Variants in CYFIP1 observed in about 807,000 individuals in gnomAD.
The protein encoded by CYFIP1 is cytoplasmic FMR1 interacting protein 1.
In CYFIP1, 58 loss-of-function variants were observed where a neutral mutation model predicts 163.5. That is an observed-to-expected ratio of 0.35 (90% CI 0.29 to 0.44). The LOEUF is 0.44. CYFIP1 is among the 20% of genes least tolerant of loss of function. The probability of loss-of-function intolerance (pLI) is 1.00; values close to 1 mark genes in which losing one functional copy is unlikely to be tolerated. For synonymous variants in CYFIP1, 663 were observed against 660.7 expected (o/e 1.00, Z -0.05); for missense variants, 1,338 against 1,653.8 (o/e 0.81, Z 3.31).
chr15:22,978,282 G>A (rs1567058665), intron 1 of CYFIP1, among the ~76,000 whole-genome samples: 1 of 143,648 alleles, frequency 7.0e-6, no homozygotes, highest in Non-Finnish European at 1.5e-5. Flanking sequence ...AACCCAGGAG[G>A]CATAGGTTGT....
Position 22,952,659 on chromosome 15 carries a change from CAAA to C in CYFIP1, c.-6-5371_-6-5369del, listed in dbSNP as rs3083512. Reference sequence around the variant, plus strand: ...GACAGAGTGAGGTGAGACTCCATCTCAAAAAAAAAAAAAAAAGGTAAACATGGG... The same window carrying C: ...GACAGAGTGAGGTGAGACTCCATCTCAAAAAAAAAAAAAGGTAAACATGGG... On this transcript the variant is annotated intron_variant, in intron 1 of 30. Coordinates refer to ENST00000617928, the MANE Select transcript of CYFIP1 (RefSeq NM_014608.6). 7.4e-4 allele frequency among the ~76,000 whole-genome samples: 34 copies of C among 45,682 alleles called. 1 individual carries two copies. The highest frequency in any genetic ancestry group is 2.6e-3 in the African/African-American group (26 of 9,948). The allele number at this position is 45,682 out of a possible 152,430, so 30.0% of individuals were successfully genotyped here.
At chr15:22,874,345 C>T (rs1279768885) in intron 28 of CYFIP1, among the ~76,000 whole-genome samples, 1 of 152,242 alleles carries the variant, frequency 6.6e-6, no homozygotes, top group Non-Finnish European at 1.5e-5. Context: ...ATGTGCTAAG[C>T]TCTTTCCAGG....
intron 1 of CYFIP1, among the ~76,000 whole-genome samples, chr15:22,969,490 C>CA (rs1206963662): frequency 5.3e-5 from 8 of 152,116 alleles, no homozygotes; most frequent in Non-Finnish European, 1.2e-4. Flanking sequence ...GCTTTTAACA[C>CA]AAAAAAATTC....
In CYFIP1 at chr15:22,914,785, C is replaced by T; in HGVS notation, c.1926G>A (p.Met642Ile). 6.2e-7 allele frequency: 1 copy of T among 1,613,942 alleles called. No individual in the cohort carries two copies. Reference sequence around the variant, plus strand: ...GGTCCGTCAGGATCCAGGGCATCGACATCTCAATGGGGAACTGGATCCTCC... The same window carrying T: ...GGTCCGTCAGGATCCAGGGCATCGATATCTCAATGGGGAACTGGATCCTCC... ...MGRRIQFPIE[M>I]SMPWILTDHI... is the part of the protein sequence containing the mutation. The change falls in exon 17 of 31, where the codon ATG becomes ATA. Residue 642 changes from methionine to isoleucine, a missense_variant. This residue lies in a region of CYFIP1 where 824 missense variants were observed against 995.7 expected (regional missense o/e 0.83). Coordinates refer to ENST00000617928, the MANE Select transcript of CYFIP1 (RefSeq NM_014608.6).
intron 6 of CYFIP1, among the ~76,000 whole-genome samples, chr15:22,940,813 G>A (rs1242410210): frequency 6.6e-6 from 1 of 152,194 alleles, no homozygotes; most frequent in Non-Finnish European, 1.5e-5. Context: ...GAAGGAGGCA[G>A]GCAAATCACT....
At chr15:22,980,709 C>T (rs987910648), upstream of CYFIP1, among the ~76,000 whole-genome samples, 2 of 151,922 alleles carry the variant, frequency 1.3e-5, no homozygotes, top group Non-Finnish European at 2.9e-5. Flanking sequence ...CGGGTCAGGG[C>T]GGGGGTTGGC....
chr15:22,871,862 C>CTGAGGGTGA (rs2059441542), intron 30 of CYFIP1, among the ~76,000 whole-genome samples: 1 of 152,164 alleles, frequency 6.6e-6, no homozygotes, highest in East Asian at 1.9e-4. Flanking sequence ...GCACCTCAGA[C>CTGAGGGTGA]ACTGGCCCCA....
intron 8 of CYFIP1, among the ~76,000 whole-genome samples, chr15:22,938,434 A>G (rs1411938543): frequency 6.6e-6 from 1 of 151,610 alleles, no homozygotes; most frequent in Admixed American, 6.6e-5. Context: ...GTGAGATCTC[A>G]TATCTACAAA....
chr15:22,897,902 A>C (rs1251892446), intron 22 of CYFIP1, among the ~76,000 whole-genome samples: 1 of 152,188 alleles, frequency 6.6e-6, no homozygotes, highest in Non-Finnish European at 1.5e-5. Flanking sequence ...TATTCAAGCA[A>C]AGGCTATGGG....
intron 1 of CYFIP1, among the ~76,000 whole-genome samples, chr15:22,967,736 ATG>A (rs1044309813): frequency 6.6e-6 from 1 of 152,178 alleles, no homozygotes; most frequent in Non-Finnish European, 1.5e-5. Context: ...TCAGCCTGAA[ATG>A]TGTGACTGAA....
rs2059810563 is a variant in CYFIP1, at chr15:22,882,937, G to C, written c.2751C>G (p.Ile917Met). Residue 917 changes from isoleucine (I) to methionine (M), a missense_variant, in exon 24 of 31, where the codon ATC (isoleucine) becomes ATG (methionine). Coordinates refer to ENST00000617928, the MANE Select transcript of CYFIP1 (RefSeq NM_014608.6). Reference protein sequence around the residue: ...NFVGPPHFQVICRLLGYQGIA... With the variant: ...NFVGPPHFQVMCRLLGYQGIA... ...TACCCTGGTAGCCGAGAAGCCGGCA[G>C]ATGACTTGAAAGTGTGGAGGTCCCA... 1 of 1,614,100 alleles carries C rather than the reference G, an allele frequency of 6.2e-7. No individual in the cohort carries two copies.
intron 22 of CYFIP1, 24 bp downstream of exon 22, chr15:22,903,682 C>A (rs200693712): frequency 7.4e-5 from 120 of 1,612,554 alleles, no homozygotes; most frequent in Non-Finnish European, 9.9e-5. Flanking sequence ...CGCCTGTGGG[C>A]GCCTGTGTGG....
chr15:22,979,075 G>A (rs1306004655), intron 1 of CYFIP1, among the ~76,000 whole-genome samples: 1 of 152,162 alleles, frequency 6.6e-6, no homozygotes, highest in East Asian at 1.9e-4. Flanking sequence ...CTTAACGCAG[G>A]AAACGTCCTC....
chr15:22,963,364 C>G (rs2062754676), intron 1 of CYFIP1, among the ~76,000 whole-genome samples: 1 of 152,066 alleles, frequency 6.6e-6, no homozygotes, highest in Admixed American at 6.6e-5. Context: ...GTGGCAGATG[C>G]CTGTAGTCCC....
At chr15:22,906,294 G>A (rs1490564349) in intron 21 of CYFIP1, among the ~76,000 whole-genome samples, 1 of 151,564 alleles carries the variant, frequency 6.6e-6, no homozygotes, top group Non-Finnish European at 1.5e-5. Context: ...TTTTAGTAGA[G>A]ATGGGGTTTC....
At position 22,943,162 on chromosome 15, in the gene CYFIP1, T is replaced by A. The variant is rs2305093; in HGVS notation, c.569+11A>T. 1 of 1,612,642 alleles carries A rather than the reference T, an allele frequency of 6.2e-7. No homozygotes were observed. Among genetic ancestry groups the A allele is most frequent in the Non-Finnish European group, 8.5e-7 (1 of 1,179,106 alleles). ...TCGGGAGGGCCCGCAGTGCGCGAGG[T>A]GGGTGCTCACCTCTTGTACGCTGAG... On this transcript the variant is annotated intron_variant, in intron 6 of 30. Coordinates refer to ENST00000617928, the MANE Select transcript of CYFIP1 (RefSeq NM_014608.6).
At chr15:22,892,868 AC>A in intron 23 of CYFIP1, 21 bp downstream of exon 23, 1 of 1,577,802 alleles carries the variant, frequency 6.3e-7, no homozygotes, top group Non-Finnish European at 8.7e-7. Flanking sequence ...CAAGCTCGTA[AC>A]ACGAACACAT....
intron 22 of CYFIP1, among the ~76,000 whole-genome samples, chr15:22,902,730 G>T (rs747161696): frequency 6.6e-6 from 1 of 152,164 alleles, no homozygotes; most frequent in Non-Finnish European, 1.5e-5. Flanking sequence ...AGCCCAGAGC[G>T]CGTGGCCATG....
chr15:22,878,962 C>T (rs1595497938), intron 26 of CYFIP1, among the ~76,000 whole-genome samples: 1 of 152,024 alleles, frequency 6.6e-6, no homozygotes, highest in African/African-American at 2.4e-5. Context: ...CGGTGAAACC[C>T]CGTCTCTACT....
Sources: gnomAD v4.1 joint callset for allele counts (sites outside exome capture counted in the v4.1 genomes callset) on GRCh38, gnomAD v4.1.1 for gene constraint, gnomAD v4.1.1 regional missense constraint, MANE v1.5 for transcripts, NCBI Gene and HGNC (gene_info 2026-07-23, HGNC 2026-07-21) for gene names.